COL25A1: variants seen among roughly 807,000 people sequenced by gnomAD.
The protein encoded by COL25A1 is collagen type XXV alpha 1 chain, also known as collagen alpha-1(XXV) chain.
Under a neutral mutation model 128.4 loss-of-function variants are expected in COL25A1, and 103 were observed. That is an observed-to-expected ratio of 0.80 (90% CI 0.68 to 0.94). The LOEUF (loss-of-function observed/expected upper bound fraction) is 0.94. COL25A1 is among the 40% of genes least tolerant of loss of function. The pLI, the probability that COL25A1 is intolerant of heterozygous loss-of-function variation, is 0.00. For missense variants in COL25A1, 745 were observed against 840.0 expected (o/e 0.89, Z 1.40); for synonymous variants, 279 against 277.2 (o/e 1.01, Z -0.06).
At chr4:109,197,019 G>A (rs1776096592) in intron 3 of COL25A1, among the ~76,000 whole-genome samples, 1 of 151,916 alleles carries the variant, frequency 6.6e-6, no homozygotes, top group South Asian at 2.1e-4. Context: ...CAGTAAATAT[G>A]TAAAGTCACA....
intron 8 of COL25A1, among the ~76,000 whole-genome samples, chr4:108,954,336 C>A (rs138663675): frequency 6.6e-6 from 1 of 151,976 alleles, no homozygotes; most frequent in East Asian, 1.9e-4. Context: ...TGTTATTTAA[C>A]GAAATGCAGT....
intron 35 of COL25A1, chr4:108,819,769 C>A (rs987102196): frequency 5.1e-5 from 54 of 1,053,576 alleles, no homozygotes; most frequent in Non-Finnish European, 6.3e-5. Context: ...CATCTGATCC[C>A]CTCACACAAA....
intron 20 of COL25A1, among the ~76,000 whole-genome samples, chr4:108,866,630 T>C (rs1737958407): frequency 6.6e-6 from 1 of 152,228 alleles, no homozygotes; most frequent in African/African-American, 2.4e-5. Context: ...ATAAGAAATA[T>C]AGTCTTAGTT....
chr4:109,223,586 C>G (rs1054700929), intron 3 of COL25A1, among the ~76,000 whole-genome samples: 1 of 151,948 alleles, frequency 6.6e-6, no homozygotes, highest in East Asian at 1.9e-4. Context: ...CCCCCACCCC[C>G]ACCTTGACCC....
intron 3 of COL25A1, among the ~76,000 whole-genome samples, chr4:109,222,125 G>A (rs558349890): frequency 8.6e-5 from 12 of 139,702 alleles, no homozygotes; most frequent in African/African-American, 1.1e-4. Flanking sequence ...GTGCAATGGC[G>A]CCATCCCAGC....
In COL25A1 at chr4:108,981,027, C is replaced by T. The variant is rs556570069; in HGVS notation, c.439-6468G>A. Among the ~76,000 whole-genome samples the T allele has an allele frequency of 6.6e-5, 10 of 152,274 alleles. No homozygotes were observed. The South Asian group carries it at 2.1e-3, about 32-fold the overall frequency. ...GCATGATGAACTTGACTCATAGTGCCAATGACACACATACTCAATCCCCAC... is the reference window on the plus strand; with the variant it reads ...GCATGATGAACTTGACTCATAGTGCTAATGACACACATACTCAATCCCCAC... On this transcript the variant is annotated intron_variant, in intron 6 of 37. Transcript: ENST00000399132.
intron 3 of COL25A1, among the ~76,000 whole-genome samples, chr4:109,153,664 G>A (rs1226111482): frequency 6.6e-6 from 1 of 152,102 alleles, no homozygotes; most frequent in African/African-American, 2.4e-5. Context: ...AAAGGGAGTT[G>A]GTACTGGTTC....
At chr4:109,052,394 A>T (rs1191320375) in intron 3 of COL25A1, among the ~76,000 whole-genome samples, 2 of 152,202 alleles carry the variant, frequency 1.3e-5, no homozygotes, top group Non-Finnish European at 2.9e-5. Flanking sequence ...CTCAAACAGC[A>T]CTTGGCAAGA....
chr4:109,262,959 A>G (rs1231800446), intron 3 of COL25A1, among the ~76,000 whole-genome samples: 1 of 152,006 alleles, frequency 6.6e-6, no homozygotes, highest in Non-Finnish European at 1.5e-5. Flanking sequence ...GTGAAACCCC[A>G]TCTTTACTAA....
intron 3 of COL25A1, among the ~76,000 whole-genome samples, chr4:109,274,634 G>A (rs566073664): frequency 1.3e-5 from 2 of 152,094 alleles, no homozygotes; most frequent in East Asian, 1.9e-4. Context: ...AATAATTTAA[G>A]AATTCATAGA....
intron 3 of COL25A1, among the ~76,000 whole-genome samples, chr4:109,128,718 T>C (rs909605567): frequency 3.9e-5 from 6 of 152,156 alleles, no homozygotes; most frequent in Admixed American, 3.9e-4. Flanking sequence ...GCCCATGGTA[T>C]ACTGGAAGAA....
At position 109,113,982 on chromosome 4, in the gene COL25A1, G is replaced by A. The variant is rs1049185679; in HGVS notation, c.368-63803C>T. Among the ~76,000 whole-genome samples the A allele has an allele frequency of 2.0e-5, 3 of 150,962 alleles. No homozygotes were observed. In the Admixed American group the frequency reaches 2.0e-4, roughly 10 times the overall value. Reference sequence around the variant, plus strand: ...AGCGCTAAATGAGAAAATATATTAAGCACCTAGCTGAAGGTCTTGCATGTA... The same window carrying A: ...AGCGCTAAATGAGAAAATATATTAAACACCTAGCTGAAGGTCTTGCATGTA... On this transcript the variant is annotated intron_variant, in intron 3 of 37. Coordinates refer to ENST00000399132, the MANE Select transcript of COL25A1 (RefSeq NM_198721.4).
rs1730794565 is a variant in COL25A1, at chr4:108,811,558, G to A, written c.*2369C>T. On this transcript the variant is annotated 3_prime_UTR_variant, in exon 38 of 38. Transcript: ENST00000399132. ...GAGGAGCAGAAAAAAAGATAGAAGG[G>A]AAAAAAATATAGCCACTGGACACTG... 1 of 151,898 alleles carries A rather than the reference G, an allele frequency of 6.6e-6. No homozygotes were observed. The highest frequency in any genetic ancestry group is 2.1e-4 in the South Asian group (1 of 4,806). 9.4% of individuals were successfully genotyped at this position (151,898 alleles called of 1,614,324 possible). A position where few individuals can be genotyped will look rare whatever the true frequency, so the allele number is the denominator to read the frequency against.
intron 19 of COL25A1, among the ~76,000 whole-genome samples, chr4:108,871,960 C>T (rs902691346): frequency 6.6e-6 from 1 of 152,194 alleles, no homozygotes; most frequent in Non-Finnish European, 1.5e-5. Context: ...CTATTTCTTA[C>T]TTCCCTAAGC....
intron 3 of COL25A1, among the ~76,000 whole-genome samples, chr4:109,202,637 A>C (rs993030146): frequency 1.3e-5 from 2 of 152,204 alleles, no homozygotes; most frequent in African/African-American, 4.8e-5. Context: ...ATAGTATGTA[A>C]ATTAGTTTGT....
At chr4:109,159,082 C>G (rs1772314255) in intron 3 of COL25A1, among the ~76,000 whole-genome samples, 1 of 151,874 alleles carries the variant, frequency 6.6e-6, no homozygotes, top group Non-Finnish European at 1.5e-5. Flanking sequence ...TACTATATAT[C>G]AAGTAAAATT....
rs1203366258 is a variant in COL25A1, at chr4:108,980,688, G to A, written c.439-6129C>T. ...ATTCTTCCGTGTTAACTTCTGAATAGAGGAAACCTTTATCACATTTTCTTT... is the reference window on the plus strand; with the variant it reads ...ATTCTTCCGTGTTAACTTCTGAATAAAGGAAACCTTTATCACATTTTCTTT... On this transcript the variant is annotated intron_variant, in intron 6 of 37. Coordinates refer to ENST00000399132, the MANE Select transcript of COL25A1 (RefSeq NM_198721.4). Among the ~76,000 whole-genome samples the A allele has an allele frequency of 4.6e-5, 7 of 152,176 alleles. No homozygotes were observed. In the East Asian group the frequency reaches 1.2e-3, roughly 25 times the overall value.
In COL25A1 at chr4:109,297,228, C is replaced by A. The variant is rs572987762; in HGVS notation, c.367+3355G>T. On this transcript the variant is annotated intron_variant, in intron 3 of 37. Transcript: ENST00000399132. ...AAGTTTCCCAGGGTGACAAGATGAT[C>A]TAAAACTGGATTGTGGTGATGGCTG... is the stretch of plus-strand genomic sequence containing the variant. Among the ~76,000 whole-genome samples, 5 of 152,166 alleles carry A rather than the reference C, an allele frequency of 3.3e-5. No homozygotes were observed. In the East Asian group the frequency reaches 9.7e-4, roughly 29 times the overall value.
chr4:109,122,936 C>G (rs1560729422), intron 3 of COL25A1, among the ~76,000 whole-genome samples: 1 of 152,034 alleles, frequency 6.6e-6, no homozygotes, highest in Non-Finnish European at 1.5e-5. Context: ...ACAATCAAGA[C>G]TTGTGGGGGA....
Sources: allele counts gnomAD v4.1 joint callset (sites outside exome capture counted in the v4.1 genomes callset), GRCh38; gene constraint gnomAD v4.1.1; transcripts MANE v1.5; gene names NCBI Gene and HGNC (gene_info 2026-07-23, HGNC 2026-07-21).